RGS6: variants seen among roughly 807,000 people sequenced by gnomAD.
RGS6 encodes regulator of G-protein signaling 6.
Under a neutral mutation model 78.5 loss-of-function variants are expected in RGS6, and 30 were observed. The ratio of observed to expected loss-of-function variants is 0.38; its 90% confidence interval spans 0.29 to 0.52. The LOEUF is 0.52. RGS6 is among the 20% of genes least tolerant of loss of function. The pLI is 0.85. For synonymous variants in RGS6, 206 were observed against 206.0 expected, an observed-to-expected ratio of 1.00 and a Z score of 0.00; for missense variants, 495 against 609.7, an observed-to-expected ratio of 0.81 and a Z score of 1.98.
chr14:71,940,199 G>A (rs1282150032), intron 1 of RGS6, among the ~76,000 whole-genome samples: 3 of 152,286 alleles, frequency 2.0e-5, no homozygotes, highest in Admixed American at 1.3e-4. Context: ...AGTAGTCCCC[G>A]AAATGTCTGA....
At chr14:71,944,005 T>C (rs1313799248) in intron 1 of RGS6, among the ~76,000 whole-genome samples, 2 of 152,184 alleles carry the variant, frequency 1.3e-5, no homozygotes, top group African/African-American at 2.4e-5. Flanking sequence ...ATCCATGATA[T>C]AGTGAGACTG....
the RGS6 span, among the ~76,000 whole-genome samples, chr14:71,918,114 G>A: frequency 2.0e-5 from 3 of 148,116 alleles, no homozygotes; most frequent in Non-Finnish European, 4.5e-5. Flanking sequence ...CCGGGGGGCG[G>A]AGCTTGCAGT....
intron 2 of RGS6, among the ~76,000 whole-genome samples, chr14:71,981,991 C>T (rs1200198726): frequency 5.9e-5 from 9 of 152,176 alleles, no homozygotes; most frequent in East Asian, 3.9e-4. Flanking sequence ...TCTCGTGGTG[C>T]GCCGTTTTTT....
At chr14:72,025,401 T>C (rs2089641736) in intron 2 of RGS6, among the ~76,000 whole-genome samples, 1 of 152,120 alleles carries the variant, frequency 6.6e-6, no homozygotes, top group Non-Finnish European at 1.5e-5. Flanking sequence ...ATAGTGTTTC[T>C]TTGGGAGAAA....
intron 2 of RGS6, among the ~76,000 whole-genome samples, chr14:72,150,132 A>T (rs1158091638): frequency 1.3e-5 from 2 of 152,218 alleles, no homozygotes; most frequent in Non-Finnish European, 2.9e-5. Flanking sequence ...AGATGAAATC[A>T]TCCTGGATTT....
At chr14:72,354,718 C>G (rs991214996) in intron 3 of RGS6, among the ~76,000 whole-genome samples, 3 of 152,052 alleles carry the variant, frequency 2.0e-5, no homozygotes, top group African/African-American at 4.8e-5. Flanking sequence ...TAAACTCCCC[C>G]AAAGGACTCC....
At chr14:72,028,946 C>A (rs540441150) in intron 2 of RGS6, among the ~76,000 whole-genome samples, 10 of 152,306 alleles carry the variant, frequency 6.6e-5, no homozygotes, top group African/African-American at 1.9e-4. Context: ...AGCAGAATCT[C>A]CATAACACAT....
intron 1 of RGS6, among the ~76,000 whole-genome samples, chr14:71,963,154 G>A (rs2093319676): frequency 6.6e-6 from 1 of 152,158 alleles, no homozygotes; most frequent in Non-Finnish European, 1.5e-5. Context: ...AGAGCATATA[G>A]CAGGTGTTTG....
intron 2 of RGS6, among the ~76,000 whole-genome samples, chr14:72,001,512 ACACACACAC>A (rs2083431741): frequency 7.0e-6 from 1 of 143,216 alleles, no homozygotes; most frequent in African/African-American, 2.7e-5. Context: ...ACACACACAC[ACACACACAC>A]AACGCAGCAA....
chr14:72,594,162 G>A, the RGS6 span, among the ~76,000 whole-genome samples: 3 of 152,048 alleles, frequency 2.0e-5, no homozygotes, highest in African/African-American at 4.8e-5. Context: ...CTTTACAGAG[G>A]AGCCCAGAGC....
chr14:71,907,625 G>C, the RGS6 span, among the ~76,000 whole-genome samples: 2 of 151,482 alleles, frequency 1.3e-5, no homozygotes, highest in Non-Finnish European at 2.9e-5. Flanking sequence ...GTGGTGGGGG[G>C]ATATGTTCAG....
At chr14:72,325,029 C>T (rs2073325201) in intron 2 of RGS6, among the ~76,000 whole-genome samples, 2 of 152,172 alleles carry the variant, frequency 1.3e-5, no homozygotes. Flanking sequence ...TGTTCCCTGA[C>T]TTTTTAATGG....
intron 2 of RGS6, among the ~76,000 whole-genome samples, chr14:72,047,909 T>G (rs1462524639): frequency 6.8e-6 from 1 of 148,116 alleles, no homozygotes; most frequent in Non-Finnish European, 1.5e-5. Context: ...TTTTTTTTTT[T>G]TTTTTTTTTT....
chr14:72,172,082 G>A (rs540302317), intron 2 of RGS6, among the ~76,000 whole-genome samples: 1 of 152,182 alleles, frequency 6.6e-6, no homozygotes, highest in South Asian at 2.1e-4. Context: ...GTTTCACAAA[G>A]ATTCAGGCTG....
At position 72,071,844 on chromosome 14, in the gene RGS6, C is replaced by T. The variant is rs767134248; in HGVS notation, c.84+106969C>T. 8.5e-5 allele frequency among the ~76,000 whole-genome samples: 13 copies of T among 152,204 alleles called. No individual in the cohort carries two copies. The East Asian group carries it at 1.2e-3, about 14-fold the overall frequency. On this transcript the variant is annotated intron_variant, in intron 2 of 17. Coordinates refer to ENST00000553525, the MANE Select transcript of RGS6 (RefSeq NM_001204424.2). ...GAACATATAGAATTAAATGTTTTCA[C>T]GATGTCTTGTATTATCTTTCATGTT...
intron 2 of RGS6, among the ~76,000 whole-genome samples, chr14:72,069,182 A>G (rs2094307157): frequency 6.6e-6 from 1 of 151,930 alleles, no homozygotes; most frequent in African/African-American, 2.4e-5. Context: ...CACGTTGGCC[A>G]GGCTGGTCTT....
intron 16 of RGS6, among the ~76,000 whole-genome samples, chr14:72,536,826 C>G (rs2097257347): frequency 6.6e-6 from 1 of 152,130 alleles, no homozygotes; most frequent in South Asian, 2.1e-4. Flanking sequence ...CCGCACCTGC[C>G]CCACGGTGTT....
rs112049525 is a variant in RGS6 at position 72,211,516 on chromosome 14, G to A, written c.85-140579G>A. On this transcript the variant is annotated intron_variant, in intron 2 of 17. Transcript: ENST00000553525. ...AGAACAGTGGCTGTAGGAGGATAGGGGACTGAGGACTAGGAAATAATTTAT... is the reference window on the plus strand; with the variant it reads ...AGAACAGTGGCTGTAGGAGGATAGGAGACTGAGGACTAGGAAATAATTTAT... Among the ~76,000 whole-genome samples the A allele has an allele frequency of 9.8e-3, 1,491 of 152,246 alleles. 13 individuals are homozygous for A. Among genetic ancestry groups the A allele is most frequent in the South Asian group, 0.025 (122 of 4,822 alleles).
chr14:72,259,995 A>T (rs1341402499), intron 2 of RGS6, among the ~76,000 whole-genome samples: 3 of 151,930 alleles, frequency 2.0e-5, no homozygotes. Flanking sequence ...CTAATCTCCT[A>T]GCAAGTAGTT....
Sources: allele counts gnomAD v4.1 joint callset (sites outside exome capture counted in the v4.1 genomes callset), GRCh38; gene constraint gnomAD v4.1.1; transcripts MANE v1.5; gene names NCBI Gene and HGNC (gene_info 2026-07-23, HGNC 2026-07-21).